Variants in GPAM observed in about 807,000 individuals in gnomAD.
GPAM encodes the protein glycerol-3-phosphate acyltransferase 1, mitochondrial.
GPAM carries 56 observed loss-of-function variants against 105.0 expected under a neutral mutation model. The ratio of observed to expected loss-of-function variants is 0.53; its 90% CI spans 0.43 to 0.67. The LOEUF (loss-of-function observed/expected upper bound fraction) is 0.67. Among genes scored for constraint, GPAM ranks in the 30% least tolerant of loss-of-function variants. The pLI is 0.00. For missense variants in GPAM, 855 were observed against 989.8 expected, an observed-to-expected ratio of 0.86 and a Z score of 1.83; for synonymous variants, 368 against 354.4, an observed-to-expected ratio of 1.04 and a Z score of -0.43.
chr10:112,176,548 C>T (rs746936074), intron 5 of GPAM, among the ~76,000 whole-genome samples: 9 of 152,144 alleles, frequency 5.9e-5, no homozygotes, highest in Non-Finnish European at 1.2e-4. Flanking sequence ...TTATGAATCA[C>T]CTATTTCTTC....
intron 1 of GPAM, among the ~76,000 whole-genome samples, chr10:112,199,994 T>G (rs1425123134): frequency 2.0e-5 from 3 of 151,270 alleles, no homozygotes; most frequent in Non-Finnish European, 4.4e-5. Context: ...ACCATAAATA[T>G]ATACAATTGT....
chr10:112,219,522 T>C (rs1283751914), upstream of GPAM, among the ~76,000 whole-genome samples: 1 of 152,220 alleles, frequency 6.6e-6, no homozygotes, highest in Non-Finnish European at 1.5e-5. Flanking sequence ...CAGAACTCAG[T>C]ACATATCAGG....
rs10787428 is a variant in GPAM, at chr10:112,175,621, T to C, written c.392A>G (p.Glu131Gly). Residue 131 changes from glutamate to glycine, a missense_variant, in exon 6 of 22, where the codon GAA becomes GGA. Coordinates refer to ENST00000348367, the MANE Select transcript of GPAM (RefSeq NM_001244949.2). Reference protein sequence around the residue: ...HKGMFATNVTENVLNSSRVQE... With the variant: ...HKGMFATNVTGNVLNSSRVQE... ...TTACCTACTGCTGTTCAGCACATTTTCAGTCACATTGGTGGCAAACATGCC... is the reference window on the plus strand; with the variant it reads ...TTACCTACTGCTGTTCAGCACATTTCCAGTCACATTGGTGGCAAACATGCC... The C allele has an allele frequency of 0.59, 943,394 of 1,599,440 alleles. 280,251 individuals carry two copies. Among genetic ancestry groups the C allele is most frequent in the South Asian group, 0.61 (55,752 of 90,782 alleles).
At chr10:112,155,830 A>AG (rs1657742134) in intron 20 of GPAM, 34 bp downstream of exon 20, 1 of 1,370,156 alleles carries the variant, frequency 7.3e-7, no homozygotes, top group Non-Finnish European at 1.0e-6. Context: ...AAAAAAAAAA[A>AG]GATTTTAAAA....
At chr10:112,207,200 C>G (rs929181498) in intron 1 of GPAM, among the ~76,000 whole-genome samples, 3 of 152,258 alleles carry the variant, frequency 2.0e-5, no homozygotes, top group Non-Finnish European at 2.9e-5. Flanking sequence ...TGCTTAGAGA[C>G]AGGACACTGC....
chr10:112,174,294 T>A (rs552984073), intron 6 of GPAM, among the ~76,000 whole-genome samples: 1 of 152,342 alleles, frequency 6.6e-6, no homozygotes, highest in African/African-American at 2.4e-5. Flanking sequence ...TTAGTAAAAC[T>A]ATATGTAAAA....
chr10:112,221,850 T>C, the GPAM span, among the ~76,000 whole-genome samples: 4 of 152,210 alleles, frequency 2.6e-5, no homozygotes, highest in African/African-American at 7.2e-5. Context: ...AAGCACTTCA[T>C]ATAAAATGCA....
intron 14 of GPAM, 115 bp from the exon 15 acceptor site, chr10:112,161,852 A>G: frequency 6.5e-6 from 5 of 775,118 alleles, no homozygotes; most frequent in Non-Finnish European, 1.1e-5. Context: ...GTCTTCTATC[A>G]CATTTCCCAT....
At chr10:112,212,629 A>G (rs1315180524) in intron 1 of GPAM, among the ~76,000 whole-genome samples, 1 of 152,156 alleles carries the variant, frequency 6.6e-6, no homozygotes, top group Non-Finnish European at 1.5e-5. Context: ...TAGGGTCTCG[A>G]GAAAGCCCCT....
At chr10:112,163,646 A>G (rs1395952187) in intron 14 of GPAM, 55 bp downstream of exon 14, 2 of 873,968 alleles carry the variant, frequency 2.3e-6, no homozygotes, top group East Asian at 4.8e-5. Context: ...TATAGTTTGC[A>G]CCATACCATG....
upstream of GPAM, among the ~76,000 whole-genome samples, chr10:112,220,162 G>A (rs555473234): frequency 3.2e-4 from 49 of 152,116 alleles, no homozygotes; most frequent in African/African-American, 1.2e-3. Context: ...GACTGAGCAG[G>A]CAGGAGGACC....
chr10:112,210,509 G>C lies in GPAM; in HGVS notation n.210+4659C>G, dbSNP rs559951125. Among the ~76,000 whole-genome samples the C allele has an allele frequency of 2.0e-5, 3 of 152,254 alleles. No individual in the cohort carries two copies. In the South Asian group the frequency reaches 6.2e-4, roughly 32 times the overall value. The stretch of plus-strand genomic sequence containing the variant: ...AAGCCCCATGACCAGCAAACAATGG[G>C]GGATATTGGATAACAGACAGCTGAA... On this transcript the variant is annotated intron_variant and non_coding_transcript_variant, in intron 1 of 3. Transcript: ENST00000480130.
At chr10:112,158,209 G>T (rs1000212317) in intron 18 of GPAM, 107 bp downstream of exon 18, 4 of 832,160 alleles carry the variant, frequency 4.8e-6, no homozygotes, top group Non-Finnish European at 8.5e-6. Context: ...GGGATTACAG[G>T]CACATGCCAC....
intron 1 of GPAM, among the ~76,000 whole-genome samples, chr10:112,203,926 C>T (rs917583877): frequency 3.9e-5 from 6 of 152,318 alleles, no homozygotes; most frequent in African/African-American, 1.4e-4. Flanking sequence ...TAGTCAGTGT[C>T]TCACTGAGAG....
chr10:112,160,535 AC>A, intron 16 of GPAM, 68 bp downstream of exon 16: 1 of 1,444,450 alleles, frequency 6.9e-7, no homozygotes, highest in South Asian at 1.2e-5. Flanking sequence ...TAAAGCAGAT[AC>A]CACTATGTGT....
intron 1 of GPAM, among the ~76,000 whole-genome samples, chr10:112,200,116 T>A (rs1257006734): frequency 6.7e-6 from 1 of 148,838 alleles, no homozygotes; most frequent in Non-Finnish European, 1.5e-5. Flanking sequence ...GGAGTACATA[T>A]TTACACATTG....
rs1245517622 is a variant in GPAM at position 112,168,519 on chromosome 10, T to A, written c.900A>T (p.Ile300=). The change falls in exon 11 of 22, where the codon ATA becomes ATT. Residue 300 remains isoleucine (I), a synonymous_variant. Coordinates refer to ENST00000348367, the MANE Select transcript of GPAM (RefSeq NM_001244949.2). ...ATTGCTGCTGTCGAAGTAATTCAACTATATGCTGGGATATAAGAAGAAAGT... is the reference window on the plus strand; with the variant it reads ...ATTGCTGCTGTCGAAGTAATTCAACAATATGCTGGGATATAAGAAGAAAGT... The part of the protein sequence containing the change: ...VLYRALLHGH[I]VELLRQQQFL... The A allele has an allele frequency of 6.3e-7, 1 of 1,591,666 alleles. No individual in the cohort carries two copies. The highest frequency in any genetic ancestry group is 1.7e-5 in the Admixed American group (1 of 59,990).
rs1847262681 is a variant in GPAM at position 112,168,771 on chromosome 10, A to C, written c.894+82T>G. ...GTTACTCAAAGAGCAGTTTTTAAAAATCTCAACTCAAAAGAGTCATTTTTC... is the reference window on the plus strand; with the variant it reads ...GTTACTCAAAGAGCAGTTTTTAAAACTCTCAACTCAAAAGAGTCATTTTTC... On this transcript the variant is annotated intron_variant, in intron 10 of 21. Transcript: ENST00000348367. 6 of 936,142 alleles carry C rather than the reference A, an allele frequency of 6.4e-6. No individual in the cohort carries two copies. The African/African-American group carries it at 9.6e-5, about 15-fold the overall frequency. The allele number at this position is 936,142 out of a possible 1,614,324, so 58.0% of individuals were successfully genotyped here.
chr10:112,186,377 C>T (rs572649905), upstream of GPAM, among the ~76,000 whole-genome samples: 2 of 151,368 alleles, frequency 1.3e-5, no homozygotes, highest in African/African-American at 4.8e-5. Context: ...AATTCATCAC[C>T]AGCAGGACCG....
Sources: allele counts gnomAD v4.1 joint callset (sites outside exome capture counted in the v4.1 genomes callset), GRCh38; gene constraint gnomAD v4.1.1; transcripts MANE v1.5; gene names NCBI Gene and HGNC (gene_info 2026-07-23, HGNC 2026-07-21).